PTGER3: variants seen among roughly 807,000 people sequenced by gnomAD.
PTGER3 encodes prostaglandin E2 receptor EP3 subtype.
PTGER3 carries 22 observed loss-of-function variants against 34.7 expected under a neutral mutation model. The observed-to-expected ratio is 0.63, with a 90% CI of 0.45 to 0.91. PTGER3 has a LOEUF of 0.91. PTGER3 is among the 40% of genes least tolerant of loss of function. The pLI, the probability that PTGER3 is intolerant of heterozygous loss-of-function variation, is 0.00. For missense variants in PTGER3, 468 were observed against 519.4 expected (o/e 0.90, Z 0.96); for synonymous variants, 241 against 230.1 (o/e 1.05, Z -0.43).
chr1:70,968,234 G>A (rs1435721468), downstream of PTGER3, among the ~76,000 whole-genome samples: 4 of 152,168 alleles, frequency 2.6e-5, no homozygotes, highest in African/African-American at 7.2e-5. Flanking sequence ...TTAAAAGTAC[G>A]TGGAATATAT....
intron 2 of PTGER3, chr1:71,009,429 T>A: frequency 1.0e-6 from 1 of 981,890 alleles, no homozygotes; most frequent in South Asian, 4.7e-5. Context: ...CAGCACTAGG[T>A]TAACTTGGTA....
chr1:70,951,013 C>G (rs1650711527), downstream of PTGER3: 1 of 152,112 alleles, frequency 6.6e-6, no homozygotes, highest in African/African-American at 2.4e-5. Flanking sequence ...CTGTGCCAGG[C>G]CCATTTCATG....
chr1:70,919,102 A>G (rs769680556), intron 4 of PTGER3, among the ~76,000 whole-genome samples: 53 of 152,240 alleles, frequency 3.5e-4, no homozygotes, highest in Admixed American at 1.7e-3. Context: ...TTTGTAAAGC[A>G]TGGGCTCTAT....
chr1:71,011,230 G>T (rs756564323), intron 2 of PTGER3: 2 of 985,348 alleles, frequency 2.0e-6, no homozygotes, highest in Non-Finnish European at 2.4e-6. Context: ...GAGCCACTTT[G>T]AGGAGCAGGC....
chr1:70,951,730 C>T (rs1430467175), downstream of PTGER3, among the ~76,000 whole-genome samples: 1 of 152,134 alleles, frequency 6.6e-6, no homozygotes, highest in Non-Finnish European at 1.5e-5. Flanking sequence ...TCCAATGTGC[C>T]AGGCACTGTG....
intron 1 of PTGER3, among the ~76,000 whole-genome samples, chr1:71,013,717 A>AG (rs1164375021): frequency 6.6e-6 from 1 of 152,012 alleles, no homozygotes; most frequent in East Asian, 1.9e-4. Flanking sequence ...AAAAAAAAAA[A>AG]AGAAAACAAA....
chr1:71,038,646 C>T (rs923535526), intron 1 of PTGER3, among the ~76,000 whole-genome samples: 7 of 152,044 alleles, frequency 4.6e-5, no homozygotes, highest in African/African-American at 1.7e-4. Flanking sequence ...AAATGTGGTC[C>T]CAGAGAATAT....
At chr1:70,984,724 C>T (rs1450815940) in intron 2 of PTGER3, among the ~76,000 whole-genome samples, 1 of 151,744 alleles carries the variant, frequency 6.6e-6, no homozygotes, top group Non-Finnish European at 1.5e-5. Context: ...GAGACCCTGT[C>T]TCTAGAAATA....
At chr1:71,028,157 T>A (rs530625573) in intron 1 of PTGER3, among the ~76,000 whole-genome samples, 1 of 152,216 alleles carries the variant, frequency 6.6e-6, no homozygotes, top group East Asian at 1.9e-4. Context: ...GCTGACCCCA[T>A]CCCTAGCTAC....
At chr1:70,872,642 T>C (rs1228768640) in intron 4 of PTGER3, among the ~76,000 whole-genome samples, 1 of 152,222 alleles carries the variant, frequency 6.6e-6, no homozygotes, top group African/African-American at 2.4e-5. Flanking sequence ...CCAAGGTTTG[T>C]GTAGCATATA....
intron 4 of PTGER3, among the ~76,000 whole-genome samples, chr1:70,915,149 G>GA (rs369740400): frequency 6.6e-6 from 1 of 151,728 alleles, no homozygotes; most frequent in East Asian, 1.9e-4. Flanking sequence ...TGCTTTATTA[G>GA]AAAAAAATCA....
At chr1:70,857,405 A>G (rs183354358) in intron 4 of PTGER3, among the ~76,000 whole-genome samples, 107 of 151,698 alleles carry the variant, frequency 7.1e-4, no homozygotes, top group Non-Finnish European at 1.3e-3. Context: ...CTGTCATTCA[A>G]ATTTTTTTTT....
At chr1:70,910,523 C>T (rs558478723) in intron 4 of PTGER3, among the ~76,000 whole-genome samples, 2 of 152,278 alleles carry the variant, frequency 1.3e-5, no homozygotes, top group South Asian at 4.2e-4. Flanking sequence ...ATTCTCTCAC[C>T]TCAGTCTCCC....
intron 4 of PTGER3, among the ~76,000 whole-genome samples, chr1:70,931,193 G>A (rs1220600417): frequency 1.3e-5 from 2 of 152,164 alleles, no homozygotes; most frequent in East Asian, 1.9e-4. Flanking sequence ...TCTATGTCTC[G>A]CATCCAGGTC....
At chr1:70,981,555 T>G (rs1302200710) in intron 2 of PTGER3, among the ~76,000 whole-genome samples, 3 of 151,680 alleles carry the variant, frequency 2.0e-5, no homozygotes, top group Admixed American at 6.6e-5. Flanking sequence ...ACTACAGGCA[T>G]GCATCACCAC....
intron 2 of PTGER3, among the ~76,000 whole-genome samples, chr1:70,959,792 A>G (rs550080092): frequency 1.7e-4 from 26 of 152,184 alleles, no homozygotes; most frequent in African/African-American, 6.3e-4. Context: ...GGTCTTTATG[A>G]TTTTGGAGTT....
rs548122089 is a variant in PTGER3, at chr1:70,996,880, T to C, written c.1077+15425A>G. On this transcript the variant is annotated intron_variant, in intron 2 of 3. Coordinates refer to ENST00000306666, the MANE Select transcript of PTGER3 (RefSeq NM_198719.2). ...GGTTTCACCATGTTAGCCAGGATGG[T>C]CTCGATCTCCTGACCTCGTGATCCG... Among the ~76,000 whole-genome samples the C allele has an allele frequency of 1.8e-4, 27 of 152,180 alleles. No homozygotes were observed. The South Asian group carries it at 4.2e-3, about 23-fold the overall frequency.
chr1:70,971,799 T>G, intron 3 of PTGER3, 66 bp from the exon 4 acceptor site: 1 of 1,175,028 alleles, frequency 8.5e-7, no homozygotes, highest in Non-Finnish European at 1.2e-6. Context: ...AAATTTTGTG[T>G]ATGGTGTGAG....
chr1:70,980,051 T>C (rs1654107119), intron 2 of PTGER3, among the ~76,000 whole-genome samples: 1 of 151,630 alleles, frequency 6.6e-6, no homozygotes, highest in Admixed American at 6.6e-5. Context: ...TTGAGGGGAG[T>C]TGAGGTTTCA....
Sources: gnomAD v4.1 joint callset for allele counts (sites outside exome capture counted in the v4.1 genomes callset) on GRCh38, gnomAD v4.1.1 for gene constraint, MANE v1.5 for transcripts, NCBI Gene and HGNC (gene_info 2026-07-23, HGNC 2026-07-21) for gene names.